THRB: variants seen among roughly 807,000 people sequenced by gnomAD.
The protein encoded by THRB is thyroid hormone receptor beta.
A neutral mutation model predicts 47.8 loss-of-function variants in THRB; 12 were observed. The observed-to-expected ratio is 0.25, with a 90% CI of 0.16 to 0.41. The LOEUF is 0.41. Ranked by LOEUF, THRB falls within the 10% of genes least tolerant of loss-of-function variation. The pLI is 1.00. For synonymous variants in THRB, 218 were observed against 212.2 expected (o/e 1.03, Z -0.24); for missense variants, 348 against 589.2 (o/e 0.59, Z 4.24).
intron 5 of THRB, among the ~76,000 whole-genome samples, chr3:24,158,888 T>C (rs188213482): frequency 4.3e-4 from 66 of 152,050 alleles, no homozygotes; most frequent in African/African-American, 1.6e-3. Context: ...CTTGGGGGCA[T>C]TGGAGTTGTA....
intron 3 of THRB, among the ~76,000 whole-genome samples, chr3:24,239,501 A>G (rs990934115): frequency 6.6e-6 from 1 of 152,024 alleles, no homozygotes; most frequent in Non-Finnish European, 1.5e-5. Flanking sequence ...TTATTATTTG[A>G]TGGAGTCTTG....
chr3:24,181,756 A>G (rs988006876), intron 5 of THRB, among the ~76,000 whole-genome samples: 1 of 152,120 alleles, frequency 6.6e-6, no homozygotes, highest in African/African-American at 2.4e-5. Context: ...ATCCCTTGCT[A>G]TCCTTACCCT....
chr3:24,446,753 T>C (rs1282623200), intron 1 of THRB, among the ~76,000 whole-genome samples: 1 of 152,144 alleles, frequency 6.6e-6, no homozygotes, highest in Non-Finnish European at 1.5e-5. Flanking sequence ...CTGGGAAATA[T>C]AATGTGAGAG....
In THRB at chr3:24,292,968, T is replaced by C. The variant is rs556434883; in HGVS notation, c.-43+4258A>G. On this transcript the variant is annotated intron_variant, in intron 3 of 10. Coordinates refer to ENST00000646209, the MANE Select transcript of THRB (RefSeq NM_001354712.2). Reference sequence around the variant, plus strand: ...TTTAATTTATTTAAAATTTAGTCAATTTTATCAATTTTCTAAAAATAGCAT... The same window carrying C: ...TTTAATTTATTTAAAATTTAGTCAACTTTATCAATTTTCTAAAAATAGCAT... Among the ~76,000 whole-genome samples the C allele has an allele frequency of 1.8e-4, 28 of 152,330 alleles. No homozygotes were observed. In the South Asian group the frequency reaches 5.6e-3, roughly 30 times the overall value.
At chr3:24,292,692 G>A (rs774496598) in intron 3 of THRB, among the ~76,000 whole-genome samples, 10 of 152,184 alleles carry the variant, frequency 6.6e-5, no homozygotes, top group Non-Finnish European at 1.3e-4. Flanking sequence ...GAGTAAAGAA[G>A]TCAGTGGTCT....
chr3:24,251,812 T>G (rs2050698858), intron 3 of THRB, among the ~76,000 whole-genome samples: 1 of 152,094 alleles, frequency 6.6e-6, no homozygotes, highest in South Asian at 2.1e-4. Context: ...CAATTACTTT[T>G]GTAAATCAGC....
intron 1 of THRB, among the ~76,000 whole-genome samples, chr3:24,393,058 C>A (rs1053765936): frequency 6.6e-6 from 1 of 152,094 alleles, no homozygotes; most frequent in Non-Finnish European, 1.5e-5. Context: ...ATCAAGCAGA[C>A]TTCTGAGTTT....
intron 4 of THRB, among the ~76,000 whole-genome samples, chr3:24,191,133 G>A (rs529762280): frequency 1.3e-4 from 19 of 151,598 alleles, no homozygotes; most frequent in African/African-American, 3.6e-4. Flanking sequence ...TACAGAAAAT[G>A]GGAAAAAATG....
chr3:24,262,585 G>C (rs6794127), intron 3 of THRB, among the ~76,000 whole-genome samples: 4,858 of 152,176 alleles, frequency 0.032, 247 homozygotes, highest in African/African-American at 0.1. Flanking sequence ...CTCACCTCAG[G>C]ACTTTTGAAT....
At chr3:24,341,003 G>T (rs1259164884) in intron 1 of THRB, among the ~76,000 whole-genome samples, 3 of 150,274 alleles carry the variant, frequency 2.0e-5, no homozygotes, top group Non-Finnish European at 4.4e-5. Flanking sequence ...TCAATGATTT[G>T]CCCATGGTTT....
chr3:24,220,071 C>G (rs1407755420), intron 4 of THRB, among the ~76,000 whole-genome samples: 4 of 152,190 alleles, frequency 2.6e-5, no homozygotes, highest in Non-Finnish European at 1.5e-5. Context: ...TTGAGAACCA[C>G]TGTGTCCCAC....
At chr3:24,273,269 G>T (rs555663432) in intron 3 of THRB, among the ~76,000 whole-genome samples, 2 of 152,274 alleles carry the variant, frequency 1.3e-5, no homozygotes, top group South Asian at 2.1e-4. Flanking sequence ...TAGCTACAAT[G>T]TGTCAGGCAC....
intron 8 of THRB, among the ~76,000 whole-genome samples, chr3:24,136,948 G>A (rs2034760048): frequency 6.6e-6 from 1 of 152,042 alleles, no homozygotes; most frequent in South Asian, 2.1e-4. Flanking sequence ...TCTCATCTCT[G>A]TCTTTTCCAA....
intron 3 of THRB, among the ~76,000 whole-genome samples, chr3:24,257,749 A>G (rs1179067684): frequency 6.6e-6 from 1 of 152,268 alleles, no homozygotes; most frequent in African/African-American, 2.4e-5. Context: ...ACAGTGAATT[A>G]TATAATGCAT....
At chr3:24,175,654 T>C (rs1159657797) in intron 5 of THRB, among the ~76,000 whole-genome samples, 2 of 152,212 alleles carry the variant, frequency 1.3e-5, no homozygotes, top group African/African-American at 4.8e-5. Flanking sequence ...AAATGAACAT[T>C]TGATTCAAAA....
chr3:24,276,555 G>A (rs769056151), intron 3 of THRB, among the ~76,000 whole-genome samples: 4 of 152,224 alleles, frequency 2.6e-5, no homozygotes, highest in Non-Finnish European at 5.9e-5. Context: ...GTGAAGGTAT[G>A]AGGAAATGAA....
intron 3 of THRB, among the ~76,000 whole-genome samples, chr3:24,247,639 A>G (rs960368637): frequency 6.6e-6 from 1 of 152,152 alleles, no homozygotes; most frequent in African/African-American, 2.4e-5. Context: ...GATGCTTACA[A>G]CCTCATTTTA....
At chr3:24,246,324 TG>T (rs1369633653) in intron 3 of THRB, among the ~76,000 whole-genome samples, 1 of 152,126 alleles carries the variant, frequency 6.6e-6, no homozygotes, top group Non-Finnish European at 1.5e-5. Context: ...GTTCCTTTCA[TG>T]GGGTTTCAAG....
At chr3:24,307,560 G>T (rs1463867825) in intron 2 of THRB, among the ~76,000 whole-genome samples, 1 of 151,886 alleles carries the variant, frequency 6.6e-6, no homozygotes, top group Non-Finnish European at 1.5e-5. Context: ...TTCTCCTATT[G>T]AAAGATATTT....
Sources: gnomAD v4.1 joint callset for allele counts (sites outside exome capture counted in the v4.1 genomes callset) on GRCh38, gnomAD v4.1.1 for gene constraint, MANE v1.5 for transcripts, NCBI Gene and HGNC (gene_info 2026-07-23, HGNC 2026-07-21) for gene names.